The following DPYD variants were observed in gnomAD, a reference collection of about 807,000 sequenced individuals.
DPYD encodes dihydropyrimidine dehydrogenase [NADP(+)].
A neutral mutation model predicts 116.2 loss-of-function variants in DPYD; 109 were observed. That is an observed-to-expected ratio of 0.94 (90% CI 0.80 to 1.10). The LOEUF is 1.10. DPYD is among the 50% of genes least tolerant of loss of function. The pLI, the probability that DPYD is intolerant of heterozygous loss-of-function variation, is 0.00. For synonymous variants in DPYD, 440 were observed against 432.0 expected (o/e 1.02, Z -0.23); for missense variants, 1,302 against 1,254.5 (o/e 1.04, Z -0.57).
intron 3 of DPYD, among the ~76,000 whole-genome samples, chr1:97,791,104 A>AT (rs1667298379): frequency 6.6e-6 from 1 of 152,206 alleles, no homozygotes; most frequent in African/African-American, 2.4e-5. Context: ...AGACATCAGG[A>AT]TTACCCACAG....
chr1:97,676,748 G>C (rs539810965), intron 8 of DPYD, among the ~76,000 whole-genome samples: 2 of 152,194 alleles, frequency 1.3e-5, no homozygotes, highest in East Asian at 3.9e-4. Context: ...TTCCCAAATC[G>C]ACACTCATGA....
At chr1:97,615,410 G>T (rs2100757371) in intron 8 of DPYD, among the ~76,000 whole-genome samples, 1 of 152,166 alleles carries the variant, frequency 6.6e-6, no homozygotes, top group East Asian at 1.9e-4. Flanking sequence ...GGGTGATTCT[G>T]ACCTTCATGT....
chr1:97,349,680 C>T (rs1670040034), intron 16 of DPYD, among the ~76,000 whole-genome samples: 1 of 152,068 alleles, frequency 6.6e-6, no homozygotes, highest in African/African-American at 2.4e-5. Flanking sequence ...ATGAACTCAT[C>T]AATTTTTATG....
intron 3 of DPYD, among the ~76,000 whole-genome samples, chr1:97,799,646 C>T (rs1266688344): frequency 1.3e-5 from 2 of 152,054 alleles, no homozygotes; most frequent in Non-Finnish European, 2.9e-5. Context: ...GGAGCTTTCA[C>T]TGAGAATACT....
At position 97,757,251 on chromosome 1, in the gene DPYD, G is replaced by T. The variant is rs71657277; in HGVS notation, c.234-16772C>A. ...GCATTGTAGACTAAGCTTAAATCAT[G>T]ATAGCACAGCACAGTGAGATCAGGG... On this transcript the variant is annotated intron_variant, in intron 3 of 22. Transcript: ENST00000370192. Among the ~76,000 whole-genome samples, 21 of 152,282 alleles carry T rather than the reference G, an allele frequency of 1.4e-4. 1 individual carries two copies. Among genetic ancestry groups the T allele is most frequent in the Admixed American group, 1.4e-3 (21 of 15,288 alleles).
At chr1:97,477,159 T>C (rs1171218568) in intron 13 of DPYD, among the ~76,000 whole-genome samples, 1 of 152,216 alleles carries the variant, frequency 6.6e-6, no homozygotes, top group Non-Finnish European at 1.5e-5. Context: ...CTGTGTAACA[T>C]GCAATGCTAT....
intron 7 of DPYD, among the ~76,000 whole-genome samples, chr1:97,686,568 C>T (rs1202942559): frequency 1.6e-5 from 2 of 125,546 alleles, no homozygotes; most frequent in East Asian, 2.7e-4. Flanking sequence ...ACCTGGGAGG[C>T]GGAGCTTGCA....
At chr1:97,276,614 T>C (rs1053388113) in intron 18 of DPYD, among the ~76,000 whole-genome samples, 3 of 148,796 alleles carry the variant, frequency 2.0e-5, no homozygotes, top group African/African-American at 7.5e-5. Context: ...AGGGTTACCA[T>C]CTCACACCAG....
intron 8 of DPYD, among the ~76,000 whole-genome samples, chr1:97,627,558 T>C (rs1571085299): frequency 6.6e-6 from 1 of 152,186 alleles, no homozygotes; most frequent in South Asian, 2.1e-4. Flanking sequence ...TGCTTCTTTT[T>C]CATTTCTTGT....
intron 21 of DPYD, among the ~76,000 whole-genome samples, chr1:97,087,159 T>A (rs1427945072): frequency 6.6e-6 from 1 of 152,232 alleles, no homozygotes. Flanking sequence ...CTGATTTGTT[T>A]CCATCTTTTC....
intron 8 of DPYD, among the ~76,000 whole-genome samples, chr1:97,619,869 A>G (rs888464818): frequency 1.3e-5 from 2 of 152,190 alleles, no homozygotes; most frequent in African/African-American, 2.4e-5. Flanking sequence ...ACTGTTTGAC[A>G]GCTTTTTCTC....
rs72975800 is a variant in DPYD at position 97,678,304 on chromosome 1, G to T, written c.850+791C>A. On this transcript the variant is annotated intron_variant, in intron 8 of 22. Coordinates refer to ENST00000370192, the MANE Select transcript of DPYD (RefSeq NM_000110.4). ...ATGCAGAGCTCAGGCAGTAATGCTCGCTTGCCCACTATTCACCTCCTGCTG... is the reference window on the plus strand; with the variant it reads ...ATGCAGAGCTCAGGCAGTAATGCTCTCTTGCCCACTATTCACCTCCTGCTG... Among the ~76,000 whole-genome samples the T allele has an allele frequency of 4.9e-3, 752 of 152,220 alleles. 5 individuals are homozygous for T. The highest frequency in any genetic ancestry group is 0.017 in the African/African-American group (714 of 41,536).
At chr1:97,323,532 AT>A (rs1668500268) in intron 16 of DPYD, among the ~76,000 whole-genome samples, 1 of 136,170 alleles carries the variant, frequency 7.3e-6, no homozygotes, top group African/African-American at 2.6e-5. Flanking sequence ...ACACATATAT[AT>A]ACATATCATA....
intron 10 of DPYD, among the ~76,000 whole-genome samples, chr1:97,592,558 G>A (rs1038316441): frequency 3.9e-5 from 6 of 152,010 alleles, no homozygotes; most frequent in Non-Finnish European, 8.8e-5. Flanking sequence ...TAGTAGAGAC[G>A]GGGTTTCACC....
At chr1:97,518,186 T>C (rs1370581596) in intron 12 of DPYD, among the ~76,000 whole-genome samples, 1 of 150,868 alleles carries the variant, frequency 6.6e-6, no homozygotes, top group East Asian at 2.0e-4. Flanking sequence ...AATAATAAAA[T>C]ACACACACAC....
chr1:97,360,257 T>C (rs932848983), intron 16 of DPYD, among the ~76,000 whole-genome samples: 4 of 152,158 alleles, frequency 2.6e-5, no homozygotes, highest in African/African-American at 9.7e-5. Context: ...CTAACCTAAA[T>C]AAATATGCAC....
At chr1:97,430,388 T>C (rs1675107133) in intron 14 of DPYD, among the ~76,000 whole-genome samples, 1 of 152,194 alleles carries the variant, frequency 6.6e-6, no homozygotes, top group Non-Finnish European at 1.5e-5. Context: ...ACATGGATTC[T>C]AAATGAGAAG....
At chr1:97,485,450 C>T (rs918545467) in intron 13 of DPYD, among the ~76,000 whole-genome samples, 3 of 152,198 alleles carry the variant, frequency 2.0e-5, no homozygotes, top group Non-Finnish European at 2.9e-5. Flanking sequence ...GATCCACCCA[C>T]CTTAGCCTCC....
At chr1:97,244,916 T>A (rs776067704) in intron 18 of DPYD, among the ~76,000 whole-genome samples, 1 of 152,086 alleles carries the variant, frequency 6.6e-6, no homozygotes, top group Non-Finnish European at 1.5e-5. Context: ...CTTATACTAC[T>A]AAGATCCATT....
Sources: allele counts gnomAD v4.1 joint callset (sites outside exome capture counted in the v4.1 genomes callset), GRCh38; gene constraint gnomAD v4.1.1; transcripts MANE v1.5; gene names NCBI Gene and HGNC (gene_info 2026-07-23, HGNC 2026-07-21).